The following GRIK2 variants were observed in gnomAD, a reference collection of about 807,000 sequenced individuals.
GRIK2 encodes glutamate receptor ionotropic, kainate 2.
In GRIK2, 32 loss-of-function variants were observed where a neutral mutation model predicts 100.3. The observed-to-expected ratio is 0.32, with a 90% confidence interval of 0.24 to 0.43. The LOEUF (loss-of-function observed/expected upper bound fraction) is 0.43. Among genes scored for constraint, GRIK2 ranks in the 20% least tolerant of loss-of-function variants. GRIK2 has a pLI of 1.00. For synonymous variants in GRIK2, 417 were observed against 389.4 expected (o/e 1.07, Z -0.83); for missense variants, 843 against 1,114.9 (o/e 0.76, Z 3.47).
chr6:101,555,192 T>A (rs1382351771), intron 2 of GRIK2, among the ~76,000 whole-genome samples: 1 of 152,256 alleles, frequency 6.6e-6, no homozygotes, highest in African/African-American at 2.4e-5. Flanking sequence ...TTTACTTTTA[T>A]GCTAGTGCCT....
chr6:102,045,905 C>T (rs1365600679), intron 15 of GRIK2, among the ~76,000 whole-genome samples: 1 of 152,042 alleles, frequency 6.6e-6, no homozygotes, highest in Admixed American at 6.6e-5. Flanking sequence ...AAAATACATA[C>T]AGTGGCTGCA....
chr6:101,818,236 C>T (rs909373833), intron 9 of GRIK2, 134 bp from the exon 10 acceptor site: 21 of 589,558 alleles, frequency 3.6e-5, no homozygotes, highest in African/African-American at 3.4e-4. Context: ...TTTAAACAAG[C>T]TGCCTTTACT....
intron 11 of GRIK2, among the ~76,000 whole-genome samples, chr6:101,888,093 A>G (rs1385370642): frequency 2.6e-5 from 4 of 152,206 alleles, no homozygotes; most frequent in African/African-American, 2.4e-5. Flanking sequence ...ACTGTAATCT[A>G]TCAATCACTA....
chr6:101,884,128 C>T (rs1224298721), intron 11 of GRIK2, among the ~76,000 whole-genome samples: 1 of 152,000 alleles, frequency 6.6e-6, no homozygotes, highest in African/African-American at 2.4e-5. Flanking sequence ...TTCAAGTGTA[C>T]ACAGAGACAA....
chr6:101,430,262 A>G (rs1769303089), intron 2 of GRIK2: 1 of 152,958 alleles, frequency 6.5e-6, no homozygotes, highest in Admixed American at 6.5e-5. Context: ...CAAAATCAGC[A>G]GCAAGTTTTA....
intron 7 of GRIK2, among the ~76,000 whole-genome samples, chr6:101,781,196 G>C (rs1188994309): frequency 1.3e-5 from 2 of 150,900 alleles, no homozygotes; most frequent in African/African-American, 4.9e-5. Flanking sequence ...TCATTTATAG[G>C]TACTTCTTTC....
intron 10 of GRIK2, among the ~76,000 whole-genome samples, chr6:101,822,798 C>T (rs1782039801): frequency 6.6e-6 from 1 of 151,776 alleles, no homozygotes; most frequent in African/African-American, 2.4e-5. Context: ...GTATTTTACT[C>T]ATGGCCATAC....
rs76196339 is a variant in GRIK2, at chr6:101,715,792, C to A, written c.951+29439C>A. 6.9e-3 allele frequency among the ~76,000 whole-genome samples: 1,052 copies of A among 151,896 alleles called. 8 individuals carry two copies. The highest frequency in any genetic ancestry group is 0.023 in the African/African-American group (962 of 41,492). ...ATATGGAAGAATCACAGCAAGAGAA[C>A]CCTGATATTTTGGTTCTAACTCCAG... On this transcript the variant is annotated intron_variant, in intron 7 of 16. Transcript: ENST00000369134.
At chr6:102,054,702 T>C (rs1354239366) in intron 15 of GRIK2, among the ~76,000 whole-genome samples, 3 of 152,114 alleles carry the variant, frequency 2.0e-5, no homozygotes, top group African/African-American at 7.2e-5. Context: ...ACGCCCCAAA[T>C]GTTTACAATA....
chr6:102,036,294 A>T (rs1344752381), intron 15 of GRIK2, among the ~76,000 whole-genome samples: 1 of 151,204 alleles, frequency 6.6e-6, no homozygotes, highest in Non-Finnish European at 1.5e-5. Flanking sequence ...ACATGTGTAC[A>T]TGTAGTGGAC....
At chr6:101,861,253 G>A (rs1784717674) in intron 11 of GRIK2, among the ~76,000 whole-genome samples, 1 of 152,176 alleles carries the variant, frequency 6.6e-6, no homozygotes. Flanking sequence ...CCCAAACTTA[G>A]TGTCTTCTTA....
intron 10 of GRIK2, among the ~76,000 whole-genome samples, chr6:101,822,076 C>A (rs1781989444): frequency 6.6e-6 from 1 of 151,792 alleles, no homozygotes; most frequent in African/African-American, 2.4e-5. Flanking sequence ...TAATTTTATT[C>A]ATTATTTTAT....
intron 11 of GRIK2, among the ~76,000 whole-genome samples, chr6:101,873,038 T>C (rs1334175348): frequency 6.6e-6 from 1 of 151,948 alleles, no homozygotes; most frequent in Non-Finnish European, 1.5e-5. Flanking sequence ...ATGCTTATTA[T>C]GCATTTATTT....
chr6:101,499,208 C>A (rs981519097), intron 2 of GRIK2, among the ~76,000 whole-genome samples: 7 of 152,022 alleles, frequency 4.6e-5, no homozygotes, highest in Admixed American at 3.9e-4. Flanking sequence ...GGTGTGTTCA[C>A]AAAAGACTTT....
rs577241535 is a variant in GRIK2, at chr6:101,517,207, T to TA, written c.116-104741dup. On this transcript the variant is annotated intron_variant, in intron 2 of 16. Coordinates refer to ENST00000369134, the MANE Select transcript of GRIK2 (RefSeq NM_021956.5). ...AATGTGAAGGACAGCCAGCATGTTGTAGAGGAAGAAAAAAGACAGGCTTAA... is the reference window on the plus strand; with the variant it reads ...AATGTGAAGGACAGCCAGCATGTTGTAAGAGGAAGAAAAAAGACAGGCTTAA... 2.0e-5 allele frequency among the ~76,000 whole-genome samples: 3 copies of TA among 152,184 alleles called. No individual in the cohort carries two copies. In the South Asian group the frequency reaches 6.2e-4, roughly 32 times the overall value.
chr6:101,800,635 T>A, intron 8 of GRIK2, among the ~76,000 whole-genome samples: 1 of 152,066 alleles, frequency 6.6e-6, no homozygotes, highest in South Asian at 2.1e-4. Flanking sequence ...ATTAAGTATC[T>A]CTGAATATCC....
chr6:101,631,973 C>A (rs1260566984), intron 4 of GRIK2, among the ~76,000 whole-genome samples: 2 of 152,064 alleles, frequency 1.3e-5, no homozygotes, highest in Non-Finnish European at 2.9e-5. Context: ...ATATTTGAGT[C>A]CAAATCCCCC....
intron 7 of GRIK2, among the ~76,000 whole-genome samples, chr6:101,705,099 T>G (rs1773169214): frequency 6.7e-6 from 1 of 149,748 alleles, no homozygotes; most frequent in Non-Finnish European, 1.5e-5. Context: ...TTTATCTCCT[T>G]CTGAGAAACC....
At chr6:101,567,143 G>T (rs538201035) in intron 2 of GRIK2, among the ~76,000 whole-genome samples, 38 of 151,806 alleles carry the variant, frequency 2.5e-4, no homozygotes, top group African/African-American at 9.2e-4. Flanking sequence ...TTTTCTGAGT[G>T]CCCTGTCCAC....
Sources: gnomAD v4.1 joint callset for allele counts (sites outside exome capture counted in the v4.1 genomes callset) on GRCh38, gnomAD v4.1.1 for gene constraint, MANE v1.5 for transcripts, NCBI Gene and HGNC (gene_info 2026-07-23, HGNC 2026-07-21) for gene names.